TIAM1: variants seen among roughly 807,000 people sequenced by gnomAD.
TIAM1 encodes the protein rho guanine nucleotide exchange factor TIAM1.
Under a neutral mutation model 163.5 loss-of-function variants are expected in TIAM1, and 65 were observed. The observed-to-expected ratio is 0.40, with a 90% CI of 0.33 to 0.49. The LOEUF (loss-of-function observed/expected upper bound fraction) is 0.49, where lower values mean the gene tolerates loss of function less well. Ranked by LOEUF, TIAM1 falls within the 20% of genes least tolerant of loss-of-function variation. The pLI, the probability that TIAM1 is intolerant of heterozygous loss-of-function variation, is 0.77. For missense variants in TIAM1, 1,789 were observed against 2,044.7 expected, an observed-to-expected ratio of 0.87 and a Z score of 2.41; for synonymous variants, 833 against 810.1, an observed-to-expected ratio of 1.03 and a Z score of -0.48.
chr21:31,251,222 G>A (rs560975441), intron 5 of TIAM1, among the ~76,000 whole-genome samples: 1 of 152,276 alleles, frequency 6.6e-6, no homozygotes, highest in South Asian at 2.1e-4. Context: ...GCCAAAACTA[G>A]ACATGAGATG....
rs1569034910 is a variant in TIAM1 at position 31,210,802 on chromosome 21, G to GAAAGAAAGAAAGAA, written c.2218-588_2218-587insTTCTTTCTTTCTTT. ...AGAAAGAAAGAAAGAAAGAAAGAAA[G>GAAAGAAAGAAAGAA]AAAGAAAGAAAGGTCACCATTCAGC... On this transcript the variant is annotated intron_variant, in intron 10 of 27. Transcript: ENST00000541036. Among the ~76,000 whole-genome samples, 37 of 145,122 alleles carry GAAAGAAAGAAAGAA rather than the reference G, an allele frequency of 2.5e-4. 1 individual carries two copies. Among genetic ancestry groups the GAAAGAAAGAAAGAA allele is most frequent in the African/African-American group, 9.6e-4 (35 of 36,614 alleles).
intron 8 of TIAM1, among the ~76,000 whole-genome samples, chr21:31,219,760 C>G (rs1440976167): frequency 6.8e-6 from 1 of 147,044 alleles, no homozygotes; most frequent in Non-Finnish European, 1.5e-5. Context: ...AAAAAAAAAC[C>G]CCAGATCAGG....
chr21:31,165,531 C>T (rs1046088578), intron 15 of TIAM1, among the ~76,000 whole-genome samples: 1 of 152,038 alleles, frequency 6.6e-6, no homozygotes, highest in Non-Finnish European at 1.5e-5. Flanking sequence ...GGAAAAGAGC[C>T]CTCACCAGGA....
At chr21:31,375,675 T>C (rs960280859) in intron 2 of TIAM1, among the ~76,000 whole-genome samples, 2 of 152,092 alleles carry the variant, frequency 1.3e-5, no homozygotes, top group African/African-American at 4.8e-5. Flanking sequence ...AAAAAACCCA[T>C]AAATTGCAAA....
chr21:31,341,732 T>C (rs1014483088), intron 1 of TIAM1, among the ~76,000 whole-genome samples: 15 of 152,176 alleles, frequency 9.9e-5, no homozygotes, highest in African/African-American at 3.6e-4. Context: ...CAAAGACAAA[T>C]ACATGGTGTC....
At chr21:31,159,026 G>T (rs1165978514) in intron 16 of TIAM1, among the ~76,000 whole-genome samples, 1 of 152,076 alleles carries the variant, frequency 6.6e-6, no homozygotes, top group Non-Finnish European at 1.5e-5. Flanking sequence ...CCTGGATGTG[G>T]GACAAGCAGC....
intron 15 of TIAM1, among the ~76,000 whole-genome samples, chr21:31,179,683 A>G (rs145924419): frequency 6.6e-6 from 1 of 152,224 alleles, no homozygotes; most frequent in Non-Finnish European, 1.5e-5. Context: ...GTCAGTTGTA[A>G]AGTCCAGTTG....
intron 9 of TIAM1, among the ~76,000 whole-genome samples, chr21:31,213,811 C>T (rs1259043604): frequency 7.0e-6 from 1 of 142,782 alleles, no homozygotes; most frequent in African/African-American, 2.7e-5. Flanking sequence ...GGGAGGACTG[C>T]TTGAGCCTAG....
intron 1 of TIAM1, among the ~76,000 whole-genome samples, chr21:31,518,009 T>C (rs2047440655): frequency 6.6e-6 from 1 of 152,190 alleles, no homozygotes; most frequent in South Asian, 2.1e-4. Flanking sequence ...ATTTTTCTCA[T>C]GAACTTGTAA....
At chr21:31,168,060 G>C (rs2084322355) in intron 15 of TIAM1, among the ~76,000 whole-genome samples, 1 of 151,634 alleles carries the variant, frequency 6.6e-6, no homozygotes, top group Admixed American at 6.6e-5. Context: ...GGTGGAAAAG[G>C]AATACAGCAG....
At chr21:31,292,578 T>C (rs1005861288) in intron 2 of TIAM1, among the ~76,000 whole-genome samples, 2 of 151,478 alleles carry the variant, frequency 1.3e-5, no homozygotes, top group African/African-American at 4.9e-5. Context: ...CTATGTTGGC[T>C]AGGCTGGTCT....
chr21:31,182,243 T>C (rs2085066259), intron 15 of TIAM1, among the ~76,000 whole-genome samples, 178 bp downstream of exon 15: 1 of 152,242 alleles, frequency 6.6e-6, no homozygotes, highest in Non-Finnish European at 1.5e-5. Flanking sequence ...TAAAGTTCCC[T>C]GCGCCTTTGA....
chr21:31,535,047 G>A (rs189124489), intron 1 of TIAM1, among the ~76,000 whole-genome samples: 160 of 151,968 alleles, frequency 1.1e-3, no homozygotes, highest in African/African-American at 3.8e-3. Context: ...CCATGACTGT[G>A]CCACTGCACT....
At chr21:31,136,450 A>C (rs971288397) in intron 22 of TIAM1, among the ~76,000 whole-genome samples, 1 of 152,064 alleles carries the variant, frequency 6.6e-6, no homozygotes, top group African/African-American at 2.4e-5. Context: ...ATTATGTTCT[A>C]GCCAAGTTTG....
rs756040016 is a variant in TIAM1, at chr21:31,245,489, T to C, written c.1583A>G (p.Gln528Arg). Residue 528 changes from glutamine (Q) to arginine (R), a missense_variant and splice_region_variant, in exon 6 of 28, where the codon CAG becomes CGG. Gln to Arg is a conservative substitution (Grantham distance 43, BLOSUM62 1). Transcript: ENST00000541036. Reference protein sequence around the residue: ...SNSLGDAFLFQTTSQTELENW... With the variant: ...SNSLGDAFLFRTTSQTELENW... ...CTGCAAAGGAAGTGCCCAACAAACC[T>C]GAAAAAGGAAGGCATCACCCAGGGA... is the stretch of plus-strand genomic sequence containing the variant. 7 of 1,492,834 alleles carry C rather than the reference T, an allele frequency of 4.7e-6. No homozygotes were observed. Among genetic ancestry groups the C allele is most frequent in the Non-Finnish European group, 4.5e-6 (5 of 1,113,908 alleles). 92.5% of individuals were successfully genotyped at this position (1,492,834 alleles called of 1,614,324 possible).
intron 1 of TIAM1, among the ~76,000 whole-genome samples, chr21:31,553,524 G>C (rs1277907192): frequency 6.6e-6 from 1 of 152,154 alleles, no homozygotes; most frequent in Non-Finnish European, 1.5e-5. Context: ...GAGTGAGTGG[G>C]AACGAGCTCA....
chr21:31,155,626 T>C (rs921456397), intron 16 of TIAM1, among the ~76,000 whole-genome samples: 4 of 152,066 alleles, frequency 2.6e-5, no homozygotes, highest in African/African-American at 4.8e-5. Flanking sequence ...TGCCTCAGCC[T>C]CCCGAGCAGC....
chr21:31,269,703 G>T (rs1318034249), intron 3 of TIAM1, among the ~76,000 whole-genome samples: 1 of 132,478 alleles, frequency 7.5e-6, no homozygotes, highest in Admixed American at 8.3e-5. Flanking sequence ...ACGGAGTCTT[G>T]CTCTGTCGCC....
intron 1 of TIAM1, among the ~76,000 whole-genome samples, chr21:31,555,411 A>G (rs939002812): frequency 6.6e-6 from 1 of 152,150 alleles, no homozygotes; most frequent in Non-Finnish European, 1.5e-5. Flanking sequence ...ATGTAAATAT[A>G]CATGTGTGTA....
Sources: gnomAD v4.1 joint callset for allele counts (sites outside exome capture counted in the v4.1 genomes callset) on GRCh38, gnomAD v4.1.1 for gene constraint, MANE v1.5 for transcripts, NCBI Gene and HGNC (gene_info 2026-07-23, HGNC 2026-07-21) for gene names.